The following VEPH1 variants were observed in gnomAD, a reference collection of about 807,000 sequenced individuals.
VEPH1 encodes ventricular zone-expressed PH domain-containing protein homolog 1.
VEPH1 carries 80 observed loss-of-function variants against 85.2 expected under a neutral mutation model. The ratio of observed to expected loss-of-function variants is 0.94; its 90% confidence interval spans 0.78 to 1.13. VEPH1 has a LOEUF of 1.13. Ranked by LOEUF, VEPH1 falls within the 50% of genes most tolerant of loss-of-function variation. The probability of loss-of-function intolerance (pLI) is 0.00; values close to 1 mark genes in which losing one functional copy is unlikely to be tolerated. For missense variants in VEPH1, 955 were observed against 980.5 expected (o/e 0.97, Z 0.35); for synonymous variants, 297 against 348.0 (o/e 0.85, Z 1.63).
intron 9 of VEPH1, among the ~76,000 whole-genome samples, chr3:157,352,044 T>C (rs1724923868): frequency 6.6e-6 from 1 of 152,254 alleles, no homozygotes; most frequent in Non-Finnish European, 1.5e-5. Flanking sequence ...TATAAACACC[T>C]ATTTTGATGA....
At chr3:157,340,529 G>C (rs1723430241) in intron 9 of VEPH1, among the ~76,000 whole-genome samples, 2 of 152,190 alleles carry the variant, frequency 1.3e-5, no homozygotes, top group South Asian at 4.1e-4. Flanking sequence ...CGGCCAGGAA[G>C]CTCAAACTGG....
At chr3:157,323,023 G>A (rs1419132412) in intron 9 of VEPH1, among the ~76,000 whole-genome samples, 3 of 152,086 alleles carry the variant, frequency 2.0e-5, no homozygotes, top group Non-Finnish European at 2.9e-5. Context: ...AAATACCATT[G>A]CTTTTGACTG....
At chr3:157,289,375 T>C (rs75692624) in intron 11 of VEPH1, among the ~76,000 whole-genome samples, 2,460 of 152,346 alleles carry the variant, frequency 0.016, 53 homozygotes, top group African/African-American at 0.057. Flanking sequence ...GTAAACTACC[T>C]TCCTGCGTTC....
At chr3:157,301,196 G>A (rs958540350) in intron 11 of VEPH1, among the ~76,000 whole-genome samples, 4 of 152,162 alleles carry the variant, frequency 2.6e-5, no homozygotes, top group Non-Finnish European at 5.9e-5. Flanking sequence ...TCTTGCCCTA[G>A]TGGCTATTGT....
intron 2 of VEPH1, among the ~76,000 whole-genome samples, chr3:157,473,913 A>G (rs1024350791): frequency 6.6e-6 from 1 of 152,190 alleles, no homozygotes; most frequent in African/African-American, 2.4e-5. Context: ...ATCTATCAAT[A>G]TGATAAATTA....
At chr3:157,483,249 A>T (rs1692140648) in intron 2 of VEPH1, among the ~76,000 whole-genome samples, 1 of 152,120 alleles carries the variant, frequency 6.6e-6, no homozygotes, top group Admixed American at 6.6e-5. Context: ...GTGAGCTCAG[A>T]ACTGACAGTA....
At chr3:157,426,914 T>C (rs572444599) in intron 5 of VEPH1, among the ~76,000 whole-genome samples, 81 of 151,260 alleles carry the variant, frequency 5.4e-4, no homozygotes, top group African/African-American at 1.5e-3. Context: ...TTCAAGCAAT[T>C]CTCCTGCCTC....
intron 6 of VEPH1, among the ~76,000 whole-genome samples, chr3:157,412,932 T>G (rs928681444): frequency 2.6e-5 from 4 of 152,274 alleles, no homozygotes; most frequent in African/African-American, 9.6e-5. Flanking sequence ...ACCAAAGATC[T>G]AATTCTAACT....
At chr3:157,503,076 C>A (rs1016777876) in intron 1 of VEPH1, among the ~76,000 whole-genome samples, 2 of 152,162 alleles carry the variant, frequency 1.3e-5, no homozygotes, top group African/African-American at 4.8e-5. Context: ...GGCATTTTTA[C>A]TCTAATAACC....
intron 9 of VEPH1, among the ~76,000 whole-genome samples, chr3:157,349,965 A>C (rs143217684): frequency 4.4e-4 from 67 of 152,324 alleles, no homozygotes; most frequent in African/African-American, 1.6e-3. Context: ...CTACAGATTC[A>C]ACGGAGTCAC....
At chr3:157,479,933 G>T (rs1386360824) in intron 2 of VEPH1, among the ~76,000 whole-genome samples, 1 of 152,090 alleles carries the variant, frequency 6.6e-6, no homozygotes, top group Non-Finnish European at 1.5e-5. Context: ...CTAAAAGCCA[G>T]CTTTGGGTTT....
At chr3:157,265,431 A>G in intron 13 of VEPH1, 95 bp downstream of exon 13, 1 of 1,379,660 alleles carries the variant, frequency 7.2e-7, no homozygotes, top group Non-Finnish European at 9.9e-7. Context: ...GAGATGGAAA[A>G]ATTATTAGAG....
chr3:157,322,341 T>A (rs1577336919), intron 9 of VEPH1, among the ~76,000 whole-genome samples: 1 of 152,170 alleles, frequency 6.6e-6, no homozygotes, highest in East Asian at 1.9e-4. Context: ...TATGCCATGG[T>A]TTGTTTACTC....
intron 5 of VEPH1, among the ~76,000 whole-genome samples, chr3:157,419,313 A>T (rs1218855457): frequency 1.3e-5 from 2 of 152,246 alleles, no homozygotes; most frequent in African/African-American, 2.4e-5. Context: ...TTGCAACAAA[A>T]GCAAAAGACA....
chr3:157,284,248 A>T (rs1398792966), intron 12 of VEPH1, among the ~76,000 whole-genome samples: 1 of 152,226 alleles, frequency 6.6e-6, no homozygotes, highest in Non-Finnish European at 1.5e-5. Context: ...CAAATATAGC[A>T]TGCTAAAAAC....
chr3:157,464,627 C>A lies in VEPH1; in HGVS notation c.355-4272G>T, dbSNP rs530378544. ...GGTTAAACAAGAGAGCTTTGTTCTA[C>A]GGATGCCAAGAATTATATTTCTAAA... On this transcript the variant is annotated intron_variant, in intron 3 of 13. Coordinates refer to ENST00000362010, the MANE Select transcript of VEPH1 (RefSeq NM_001167912.2). Among the ~76,000 whole-genome samples, 14 of 152,230 alleles carry A rather than the reference C, an allele frequency of 9.2e-5. No homozygotes were observed. The South Asian group carries it at 1.9e-3, about 20-fold the overall frequency.
chr3:157,291,941 C>CTA (rs1389971716), intron 11 of VEPH1, among the ~76,000 whole-genome samples: 1 of 152,146 alleles, frequency 6.6e-6, no homozygotes, highest in Non-Finnish European at 1.5e-5. Flanking sequence ...CTATCTCTCT[C>CTA]TCTATATATC....
intron 1 of VEPH1, among the ~76,000 whole-genome samples, chr3:157,501,319 C>T (rs1471497335): frequency 2.6e-5 from 4 of 152,142 alleles, no homozygotes; most frequent in African/African-American, 4.8e-5. Flanking sequence ...GATAGTTTTA[C>T]GGTGATCCTA....
At chr3:157,330,438 G>A (rs935207384) in intron 9 of VEPH1, among the ~76,000 whole-genome samples, 2 of 152,176 alleles carry the variant, frequency 1.3e-5, no homozygotes, top group Non-Finnish European at 2.9e-5. Flanking sequence ...CCCCAGGAGA[G>A]GGCCTTCCAC....
Sources: allele counts gnomAD v4.1 joint callset (sites outside exome capture counted in the v4.1 genomes callset), GRCh38; gene constraint gnomAD v4.1.1; transcripts MANE v1.5; gene names NCBI Gene and HGNC (gene_info 2026-07-23, HGNC 2026-07-21).